The following ARHGAP10 variants were observed in gnomAD, a reference collection of about 807,000 sequenced individuals.
ARHGAP10 encodes the protein rho GTPase-activating protein 10.
Under a neutral mutation model 108.6 loss-of-function variants are expected in ARHGAP10, and 87 were observed. That is an observed-to-expected ratio of 0.80 (90% CI 0.67 to 0.96). The LOEUF is 0.96. ARHGAP10 is among the 40% of genes least tolerant of loss of function. The pLI, the probability that ARHGAP10 is intolerant of heterozygous loss-of-function variation, is 0.00. For missense variants in ARHGAP10, 939 were observed against 954.5 expected, an observed-to-expected ratio of 0.98 and a Z score of 0.21; for synonymous variants, 347 against 341.1, an observed-to-expected ratio of 1.02 and a Z score of -0.19.
intron 13 of ARHGAP10, among the ~76,000 whole-genome samples, chr4:147,936,551 G>A (rs896006979): frequency 3.6e-4 from 54 of 151,394 alleles, no homozygotes; most frequent in African/African-American, 1.2e-3. Context: ...GGATGGTCTC[G>A]ATCTCCTGAC....
chr4:147,956,750 CTT>C (rs554503809), intron 16 of ARHGAP10, among the ~76,000 whole-genome samples: 3 of 141,976 alleles, frequency 2.1e-5, no homozygotes, highest in African/African-American at 5.2e-5. Context: ...TTTTTTTTTC[CTT>C]TTTTTTTTTC....
chr4:147,837,916 A>G (rs1045834881), intron 3 of ARHGAP10, among the ~76,000 whole-genome samples: 2 of 152,136 alleles, frequency 1.3e-5, no homozygotes, highest in African/African-American at 4.8e-5. Flanking sequence ...AAGATTAAAC[A>G]TAATAAAATT....
chr4:147,974,582 G>A lies in ARHGAP10; in HGVS notation c.1716+7743G>A, dbSNP rs148931719. ...ATTGATCTTATTGAGGGTTTTAATT[G>A]GATTTTCAATGAGATATGTAAAATG... On this transcript the variant is annotated intron_variant, in intron 18 of 22. Transcript: ENST00000336498. 1.6e-3 allele frequency among the ~76,000 whole-genome samples: 243 copies of A among 152,212 alleles called. 1 individual carries two copies. The highest frequency in any genetic ancestry group is 5.3e-3 in the African/African-American group (219 of 41,552).
rs551709930 is a variant in ARHGAP10, at chr4:147,769,221, G to A, written c.154+36766G>A. 1.1e-4 allele frequency among the ~76,000 whole-genome samples: 16 copies of A among 152,174 alleles called. No individual in the cohort carries two copies. The East Asian group carries it at 2.9e-3, about 28-fold the overall frequency. On this transcript the variant is annotated intron_variant, in intron 1 of 22. Transcript: ENST00000336498. ...TCATTAGTGAAATTACTCAGTAAAT[G>A]TTGAAGAAGAAGGAAAAATGAAGGT... is the stretch of plus-strand genomic sequence containing the variant.
At chr4:147,830,893 A>G (rs1234644041) in intron 3 of ARHGAP10, among the ~76,000 whole-genome samples, 1 of 152,250 alleles carries the variant, frequency 6.6e-6, no homozygotes, top group African/African-American at 2.4e-5. Flanking sequence ...AAAAGAATGT[A>G]TGATGGTTAA....
At chr4:147,748,184 T>C (rs2126688449) in intron 1 of ARHGAP10, among the ~76,000 whole-genome samples, 1 of 152,350 alleles carries the variant, frequency 6.6e-6, no homozygotes, top group Non-Finnish European at 1.5e-5. Context: ...GCTACAAGTA[T>C]ACCTGGACCT....
chr4:147,927,715 T>C (rs547082214), intron 13 of ARHGAP10, among the ~76,000 whole-genome samples: 1 of 152,214 alleles, frequency 6.6e-6, no homozygotes, highest in Admixed American at 6.5e-5. Flanking sequence ...GAGGAAGAGT[T>C]GGTGGACAGT....
chr4:147,734,439 G>A (rs971727855), intron 1 of ARHGAP10, among the ~76,000 whole-genome samples: 2 of 152,198 alleles, frequency 1.3e-5, no homozygotes, highest in African/African-American at 4.8e-5. Flanking sequence ...TGCTTTGAGA[G>A]TAATTGGGAA....
At chr4:148,064,118 A>G (rs1156553093) in intron 21 of ARHGAP10, among the ~76,000 whole-genome samples, 9 of 152,198 alleles carry the variant, frequency 5.9e-5, no homozygotes, top group Admixed American at 4.6e-4. Flanking sequence ...TGGTTCTAAC[A>G]GTGCTGAATG....
chr4:148,050,813 C>T (rs543769109), intron 20 of ARHGAP10, among the ~76,000 whole-genome samples: 1 of 152,266 alleles, frequency 6.6e-6, no homozygotes, highest in African/African-American at 2.4e-5. Context: ...TGTCTTTTCC[C>T]CCTTTATCTC....
intron 20 of ARHGAP10, among the ~76,000 whole-genome samples, chr4:148,054,440 C>T (rs1327725510): frequency 1.3e-5 from 2 of 152,174 alleles, no homozygotes; most frequent in Admixed American, 6.5e-5. Context: ...CCTGAGAGCT[C>T]GAGGCAGCCA....
At chr4:147,970,581 A>G (rs980344754) in intron 18 of ARHGAP10, among the ~76,000 whole-genome samples, 1 of 152,142 alleles carries the variant, frequency 6.6e-6, no homozygotes, top group Non-Finnish European at 1.5e-5. Flanking sequence ...AGAATGTGAA[A>G]AATGTTGACT....
intron 1 of ARHGAP10, among the ~76,000 whole-genome samples, chr4:147,812,172 G>A (rs1440711162): frequency 6.6e-6 from 1 of 152,188 alleles, no homozygotes; most frequent in Non-Finnish European, 1.5e-5. Flanking sequence ...GGAATGGCTG[G>A]TGAAGGAGGG....
intron 13 of ARHGAP10, among the ~76,000 whole-genome samples, chr4:147,937,542 G>T (rs781468253): frequency 5.9e-5 from 9 of 152,110 alleles, no homozygotes; most frequent in Admixed American, 2.6e-4. Context: ...AAAGCAAAGA[G>T]GATTTATATT....
At chr4:147,868,265 G>A (rs1041579506) in intron 7 of ARHGAP10, among the ~76,000 whole-genome samples, 1 of 151,100 alleles carries the variant, frequency 6.6e-6, no homozygotes. Context: ...GAGACAGGGT[G>A]TCACTCTGTC....
At chr4:148,013,442 A>T (rs987383263) in intron 18 of ARHGAP10, among the ~76,000 whole-genome samples, 1 of 152,122 alleles carries the variant, frequency 6.6e-6, no homozygotes, top group Non-Finnish European at 1.5e-5. Flanking sequence ...TAATCCCAGC[A>T]CTTTGGGAGG....
At chr4:147,995,623 A>G (rs890053947) in intron 18 of ARHGAP10, among the ~76,000 whole-genome samples, 1 of 151,302 alleles carries the variant, frequency 6.6e-6, no homozygotes, top group Admixed American at 6.5e-5. Context: ...ACAGACCACC[A>G]GTAGGTTAGA....
chr4:147,789,352 C>G (rs911325858), intron 1 of ARHGAP10, among the ~76,000 whole-genome samples: 2 of 152,172 alleles, frequency 1.3e-5, no homozygotes, highest in Non-Finnish European at 2.9e-5. Flanking sequence ...TGCAGTGGCA[C>G]GATCTCAGCT....
chr4:147,857,668 T>C lies in ARHGAP10; in HGVS notation c.486+14T>C. On this transcript the variant is annotated intron_variant, in intron 5 of 22. Coordinates refer to ENST00000336498, the MANE Select transcript of ARHGAP10 (RefSeq NM_024605.4). ...CATTTACAAGAGGTATAATTTTTTA[T>C]TTTTCTGTTACGTTTTCAAAATTTG... The C allele has an allele frequency of 6.9e-7, 1 of 1,440,512 alleles. No individual in the cohort carries two copies. Among genetic ancestry groups the C allele is most frequent in the Non-Finnish European group, 9.1e-7 (1 of 1,093,514 alleles). The allele number at this position is 1,440,512 out of a possible 1,614,324, so 89.2% of individuals were successfully genotyped here. A position where few individuals can be genotyped will look rare whatever the true frequency, so the allele number is the denominator to read the frequency against.
Sources: gnomAD v4.1 joint callset for allele counts (sites outside exome capture counted in the v4.1 genomes callset) on GRCh38, gnomAD v4.1.1 for gene constraint, MANE v1.5 for transcripts, NCBI Gene and HGNC (gene_info 2026-07-23, HGNC 2026-07-21) for gene names.